Variants in PTPRM observed in about 807,000 individuals in gnomAD.
PTPRM encodes the protein receptor-type tyrosine-protein phosphatase mu.
Under a neutral mutation model 186.7 loss-of-function variants are expected in PTPRM, and 47 were observed. That is an observed-to-expected ratio of 0.25 (90% CI 0.20 to 0.32). The LOEUF is 0.32. PTPRM is among the 10% of genes least tolerant of loss of function. The probability of loss-of-function intolerance (pLI) is 1.00; values close to 1 mark genes in which losing one functional copy is unlikely to be tolerated. For missense variants in PTPRM, 1,494 were observed against 1,865.0 expected (o/e 0.80, Z 3.66); for synonymous variants, 668 against 674.9 (o/e 0.99, Z 0.16).
chr18:8,120,091 C>T (rs533385856), intron 13 of PTPRM, among the ~76,000 whole-genome samples: 3 of 152,180 alleles, frequency 2.0e-5, no homozygotes, highest in South Asian at 2.1e-4. Context: ...GTCACAACTA[C>T]GCAGGTCTGC....
chr18:8,116,882 T>C (rs1305337730), intron 13 of PTPRM, among the ~76,000 whole-genome samples: 1 of 152,138 alleles, frequency 6.6e-6, no homozygotes, highest in Non-Finnish European at 1.5e-5. Flanking sequence ...TTGCAAACAT[T>C]TACACAGCAA....
At chr18:8,314,481 T>C (rs1461334434) in intron 20 of PTPRM, among the ~76,000 whole-genome samples, 1 of 152,266 alleles carries the variant, frequency 6.6e-6, no homozygotes, top group Non-Finnish European at 1.5e-5. Flanking sequence ...GTCCAAGATC[T>C]ACTTATGTTT....
At chr18:7,851,232 C>G (rs369162182) in intron 2 of PTPRM, among the ~76,000 whole-genome samples, 1 of 152,152 alleles carries the variant, frequency 6.6e-6, no homozygotes, top group Admixed American at 6.5e-5. Flanking sequence ...CATGGCAGGT[C>G]TAGCATACAT....
At chr18:8,118,338 T>G (rs908404892) in intron 13 of PTPRM, among the ~76,000 whole-genome samples, 12 of 152,206 alleles carry the variant, frequency 7.9e-5, no homozygotes, top group Non-Finnish European at 1.6e-4. Flanking sequence ...GGGGTTTTTT[T>G]GGGTTTTGAT....
At chr18:8,057,551 C>T (rs1428323151) in intron 7 of PTPRM, among the ~76,000 whole-genome samples, 1 of 137,924 alleles carries the variant, frequency 7.3e-6, no homozygotes, top group Non-Finnish European at 1.5e-5. Flanking sequence ...GCGCTGCACC[C>T]ACTAAATCGT....
At chr18:7,703,392 C>T (rs1010926402) in intron 1 of PTPRM, among the ~76,000 whole-genome samples, 1 of 152,090 alleles carries the variant, frequency 6.6e-6, no homozygotes, top group African/African-American at 2.4e-5. Flanking sequence ...CTTCACATCC[C>T]TTGTAAGTTG....
chr18:7,710,863 C>G (rs1598414245), intron 1 of PTPRM, among the ~76,000 whole-genome samples: 1 of 152,190 alleles, frequency 6.6e-6, no homozygotes, highest in East Asian at 1.9e-4. Flanking sequence ...AATATCTCTA[C>G]AAGGAAAACT....
intron 10 of PTPRM, among the ~76,000 whole-genome samples, chr18:8,087,082 G>A (rs2090471176): frequency 6.6e-6 from 1 of 151,950 alleles, no homozygotes; most frequent in Non-Finnish European, 1.5e-5. Flanking sequence ...GATTTTGCCA[G>A]GCACTTCCTC....
intron 2 of PTPRM, among the ~76,000 whole-genome samples, chr18:7,863,950 G>A (rs1350232045): frequency 6.6e-6 from 1 of 152,218 alleles, no homozygotes; most frequent in African/African-American, 2.4e-5. Context: ...CTAATGACCA[G>A]TGGTGATGAG....
intron 7 of PTPRM, among the ~76,000 whole-genome samples, chr18:8,044,756 CAA>C (rs67620203): frequency 8.6e-5 from 9 of 104,676 alleles, no homozygotes; most frequent in African/African-American, 1.8e-4. Flanking sequence ...GACTCTGTCT[CAA>C]AAAAAAAAAA....
At chr18:7,827,415 G>A (rs1024059070) in intron 2 of PTPRM, among the ~76,000 whole-genome samples, 1 of 152,110 alleles carries the variant, frequency 6.6e-6, no homozygotes, top group Non-Finnish European at 1.5e-5. Flanking sequence ...AATAAAATGT[G>A]CATCTTCACC....
At chr18:7,582,134 T>C (rs2036862211) in intron 1 of PTPRM, among the ~76,000 whole-genome samples, 1 of 152,192 alleles carries the variant, frequency 6.6e-6, no homozygotes, top group East Asian at 1.9e-4. Flanking sequence ...ACAAAGCACC[T>C]CAAAACTTAG....
At chr18:7,933,720 G>A (rs527951910) in intron 5 of PTPRM, among the ~76,000 whole-genome samples, 4 of 152,188 alleles carry the variant, frequency 2.6e-5, no homozygotes, top group Non-Finnish European at 5.9e-5. Flanking sequence ...TGTAGTTAGA[G>A]CAGGAAAACA....
rs930847783 is a variant in PTPRM at position 8,270,201 on chromosome 18, T to C, written c.2754+16787T>C. 3.3e-5 allele frequency: 5 copies of C among 150,240 alleles called. No individual in the cohort carries two copies. The Admixed American group carries it at 3.3e-4, about 10-fold the overall frequency. The allele number at this position is 150,240 out of a possible 1,614,324, so 9.3% of individuals were successfully genotyped here. On this transcript the variant is annotated intron_variant, in intron 19 of 32. Transcript: ENST00000580170. ...CGTATATCTGATAAGAGGGTTAATA[T>C]TCAAGATATATAAGAAATTCATACA...
In PTPRM at chr18:8,018,354, G is replaced by A. The variant is rs1467691704; in HGVS notation, c.1133-51332G>A. 2.0e-5 allele frequency among the ~76,000 whole-genome samples: 3 copies of A among 152,166 alleles called. No individual in the cohort carries two copies. In the East Asian group the frequency reaches 5.8e-4, roughly 29 times the overall value. On this transcript the variant is annotated intron_variant, in intron 7 of 32. Coordinates refer to ENST00000580170, the MANE Select transcript of PTPRM (RefSeq NM_001105244.2). ...CTTTTTAAATGCAGCTGTATTTGCT[G>A]TGCATTTGTAAAACGAAGAAGCAGC... is the stretch of plus-strand genomic sequence containing the variant.
intron 1 of PTPRM, among the ~76,000 whole-genome samples, chr18:7,680,931 A>C (rs937501875): frequency 6.6e-6 from 1 of 152,138 alleles, no homozygotes; most frequent in East Asian, 1.9e-4. Flanking sequence ...AGATGCTTCA[A>C]GGTCACCATT....
chr18:8,007,987 T>G (rs2084292535), intron 7 of PTPRM, among the ~76,000 whole-genome samples: 1 of 152,186 alleles, frequency 6.6e-6, no homozygotes, highest in African/African-American at 2.4e-5. Context: ...GGTGCTGTCT[T>G]TATTTTTAAA....
chr18:8,030,978 T>G (rs2085928710), intron 7 of PTPRM, among the ~76,000 whole-genome samples: 1 of 152,248 alleles, frequency 6.6e-6, no homozygotes, highest in Non-Finnish European at 1.5e-5. Flanking sequence ...TTGTGTTTTC[T>G]TTATACTTTG....
chr18:7,784,984 G>C (rs1244119245), intron 2 of PTPRM, among the ~76,000 whole-genome samples: 1 of 152,182 alleles, frequency 6.6e-6, no homozygotes, highest in Admixed American at 6.5e-5. Flanking sequence ...AAGAGAAGGT[G>C]AGTAGTGATG....
Sources: allele counts gnomAD v4.1 joint callset (sites outside exome capture counted in the v4.1 genomes callset), GRCh38; gene constraint gnomAD v4.1.1; transcripts MANE v1.5; gene names NCBI Gene and HGNC (gene_info 2026-07-23, HGNC 2026-07-21).